Variants in FAM222B observed in about 807,000 individuals in gnomAD.
FAM222B encodes protein FAM222B.
A neutral mutation model predicts 38.0 loss-of-function variants in FAM222B; 12 were observed. The ratio of observed to expected loss-of-function variants is 0.32; its 90% CI spans 0.20 to 0.51. The LOEUF (loss-of-function observed/expected upper bound fraction) is 0.51. Among genes scored for constraint, FAM222B ranks in the 20% least tolerant of loss-of-function variants. The pLI is 0.97. For synonymous variants in FAM222B, 329 were observed against 317.2 expected (o/e 1.04, Z -0.40); for missense variants, 716 against 754.2 (o/e 0.95, Z 0.59).
At position 28,796,994 on chromosome 17, in the gene FAM222B, C is replaced by CTTT. The variant is rs34242589; in HGVS notation, c.-40-30290_-40-30288dup. On this transcript the variant is annotated intron_variant, in intron 1 of 2. Coordinates refer to ENST00000581407, the MANE Select transcript of FAM222B (RefSeq NM_001077498.3). Reference sequence around the variant, plus strand: ...GTAGAAGCCAGTTAAGTGGCTATTGCTTTTTTTTTTTTTTTTTTTTTTTTT... The same window carrying CTTT: ...GTAGAAGCCAGTTAAGTGGCTATTGCTTTTTTTTTTTTTTTTTTTTTTTTTTTT... Among the ~76,000 whole-genome samples, 502 of 81,594 alleles carry CTTT rather than the reference C, an allele frequency of 6.2e-3. 7 individuals carry two copies. The highest frequency in any genetic ancestry group is 0.011 in the Middle Eastern group (1 of 94). The allele number at this position is 81,594 out of a possible 152,430, so 53.5% of individuals were successfully genotyped here. A position where few individuals can be genotyped will look rare whatever the true frequency, so the allele number is the denominator to read the frequency against.
chr17:28,758,006 A>G lies in FAM222B; in HGVS notation c.*264T>C. ...GGTGGGAGCTGGCTGGAAATGGCCA[A>G]GGTGGAGAGACTAGCTGACAGGCAG... On this transcript the variant is annotated 3_prime_UTR_variant, in exon 3 of 3. Coordinates refer to ENST00000581407, the MANE Select transcript of FAM222B (RefSeq NM_001077498.3). 2.7e-6 allele frequency: 1 copy of G among 366,186 alleles called. No homozygotes were observed. 22.7% of individuals were successfully genotyped at this position (366,186 alleles called of 1,614,324 possible).
chr17:28,810,426 A>C (rs1035090568), intron 1 of FAM222B, among the ~76,000 whole-genome samples: 1 of 151,914 alleles, frequency 6.6e-6, no homozygotes, highest in Non-Finnish European at 1.5e-5. Flanking sequence ...TTTGTTTTAC[A>C]TACTAGCTAA....
At chr17:28,813,779 G>A (rs1199411492) in intron 1 of FAM222B, among the ~76,000 whole-genome samples, 3 of 150,832 alleles carry the variant, frequency 2.0e-5, no homozygotes, top group Non-Finnish European at 3.0e-5. Flanking sequence ...ATCTCCTGAC[G>A]TCGTGATCCG....
chr17:28,772,874 G>A (rs2035705150), intron 1 of FAM222B, among the ~76,000 whole-genome samples: 1 of 152,096 alleles, frequency 6.6e-6, no homozygotes, highest in South Asian at 2.1e-4. Flanking sequence ...CAGCCTCGGC[G>A]ACAGAGCGAG....
chr17:28,796,866 C>G (rs1225955580), intron 1 of FAM222B, among the ~76,000 whole-genome samples: 1 of 151,898 alleles, frequency 6.6e-6, no homozygotes, highest in Admixed American at 6.6e-5. Flanking sequence ...TCAGACTTCT[C>G]TGAAAACCAT....
intron 1 of FAM222B, among the ~76,000 whole-genome samples, chr17:28,831,186 G>T (rs1226456355): frequency 6.6e-6 from 1 of 151,670 alleles, no homozygotes; most frequent in Non-Finnish European, 1.5e-5. Context: ...GTAGAGATGG[G>T]GTTTCACCAT....
intron 1 of FAM222B, among the ~76,000 whole-genome samples, chr17:28,783,171 C>G (rs1236652375): frequency 1.3e-5 from 2 of 151,064 alleles, no homozygotes; most frequent in African/African-American, 4.9e-5. Context: ...CATTCCTAGA[C>G]TGTCTAGTTT....
chr17:28,764,347 C>T (rs972694204), intron 2 of FAM222B, among the ~76,000 whole-genome samples: 5 of 149,500 alleles, frequency 3.3e-5, no homozygotes, highest in Non-Finnish European at 7.4e-5. Flanking sequence ...GAGACTGAGG[C>T]GGGAGAATCA....
At chr17:28,793,510 T>C (rs1391711104) in intron 1 of FAM222B, among the ~76,000 whole-genome samples, 1 of 152,154 alleles carries the variant, frequency 6.6e-6, no homozygotes, top group Non-Finnish European at 1.5e-5. Context: ...AGCTATTCTA[T>C]AGCAGAATGG....
In FAM222B at chr17:28,758,314, T is replaced by C; in HGVS notation, c.1645A>G (p.Thr549Ala). 1 of 1,607,502 alleles carries C rather than the reference T, an allele frequency of 6.2e-7. No individual in the cohort carries two copies. The highest frequency in any genetic ancestry group is 8.5e-7 in the Non-Finnish European group (1 of 1,177,086). ...TGAATATGAAGACTTCGACTCTCTG[T>C]GGGATCGGGGGCTCGGTTGCCAGGG... The part of the protein sequence containing the change: ...RAPGNRAPDP[T>A]ESRSLHIQHP... The change falls in exon 3 of 3, where the codon ACA (threonine) becomes GCA (alanine). Residue 549 changes from threonine (T) to alanine (A), a missense_variant. By Grantham distance (58) the Thr-to-Ala change is moderately conservative. Transcript: ENST00000581407.
chr17:28,833,268 C>G (rs1375491418), intron 1 of FAM222B, among the ~76,000 whole-genome samples: 1 of 151,234 alleles, frequency 6.6e-6, no homozygotes, highest in Non-Finnish European at 1.5e-5. Flanking sequence ...GAGATGGCCC[C>G]ACTGCACTCC....
At chr17:28,841,606 C>T (rs1187302699) in intron 1 of FAM222B, among the ~76,000 whole-genome samples, 1 of 152,150 alleles carries the variant, frequency 6.6e-6, no homozygotes, top group Non-Finnish European at 1.5e-5. Flanking sequence ...CAACTTCTGA[C>T]CTCGTGATCC....
intron 2 of FAM222B, among the ~76,000 whole-genome samples, chr17:28,764,716 C>T (rs2035249045): frequency 6.6e-6 from 1 of 151,872 alleles, no homozygotes; most frequent in Non-Finnish European, 1.5e-5. Context: ...CATTGCACTC[C>T]AGCCTAGCAA....
At chr17:28,825,097 C>A (rs747495272) in intron 1 of FAM222B, among the ~76,000 whole-genome samples, 8 of 151,344 alleles carry the variant, frequency 5.3e-5, no homozygotes, top group Non-Finnish European at 7.4e-5. Flanking sequence ...ACTGAACATT[C>A]TTTCTAGTCA....
intron 1 of FAM222B, among the ~76,000 whole-genome samples, chr17:28,805,066 A>C (rs1272639304): frequency 1.3e-5 from 2 of 151,770 alleles, no homozygotes; most frequent in Non-Finnish European, 2.9e-5. Context: ...AAAAGAAAGA[A>C]ACTAAGTGTA....
intron 1 of FAM222B, among the ~76,000 whole-genome samples, chr17:28,777,382 T>C (rs2035942654): frequency 6.6e-6 from 1 of 152,156 alleles, no homozygotes; most frequent in Admixed American, 6.6e-5. Flanking sequence ...ATACCACTGC[T>C]CTCTTTGGCA....
intron 1 of FAM222B, among the ~76,000 whole-genome samples, chr17:28,832,042 T>C (rs1429120560): frequency 6.6e-6 from 1 of 151,828 alleles, no homozygotes; most frequent in Non-Finnish European, 1.5e-5. Flanking sequence ...ACAAAAAAAT[T>C]AGCCAGGCGT....
intron 1 of FAM222B, among the ~76,000 whole-genome samples, chr17:28,823,915 T>C (rs1598023545): frequency 6.7e-6 from 1 of 148,600 alleles, no homozygotes; most frequent in African/African-American, 2.5e-5. Context: ...TCTTGCTCTG[T>C]CGCCCAGGCT....
chr17:28,797,067 A>G (rs902522257), intron 1 of FAM222B, among the ~76,000 whole-genome samples: 16 of 137,504 alleles, frequency 1.2e-4, no homozygotes, highest in Non-Finnish European at 6.0e-5. Context: ...CAATGGTGCG[A>G]TCTCAGCTCA....
Sources: gnomAD v4.1 joint callset for allele counts (sites outside exome capture counted in the v4.1 genomes callset) on GRCh38, gnomAD v4.1.1 for gene constraint, MANE v1.5 for transcripts, NCBI Gene and HGNC (gene_info 2026-07-23, HGNC 2026-07-21) for gene names.